The following CTNNA3 variants were observed in gnomAD, a reference collection of about 807,000 sequenced individuals.
The protein encoded by CTNNA3 is catenin alpha-3.
Under a neutral mutation model 95.7 loss-of-function variants are expected in CTNNA3, and 76 were observed. The observed-to-expected ratio is 0.79, with a 90% CI of 0.66 to 0.96. The LOEUF (loss-of-function observed/expected upper bound fraction) is 0.96, where lower values mean the gene tolerates loss of function less well. Among genes scored for constraint, CTNNA3 ranks in the 40% least tolerant of loss-of-function variants. The pLI, the probability that CTNNA3 is intolerant of heterozygous loss-of-function variation, is 0.00. For synonymous variants in CTNNA3, 431 were observed against 374.4 expected, an observed-to-expected ratio of 1.15 and a Z score of -1.74; for missense variants, 1,191 against 1,089.8, an observed-to-expected ratio of 1.09 and a Z score of -1.31.
chr10:66,426,792 A>T (rs60882168), intron 11 of CTNNA3, among the ~76,000 whole-genome samples: 57,968 of 151,618 alleles, frequency 0.38, 11,646 homozygotes, highest in African/African-American at 0.5. Flanking sequence ...CTATAAAATT[A>T]TCAGCCATAT....
chr10:67,024,004 A>G (rs1448015691), intron 7 of CTNNA3, among the ~76,000 whole-genome samples: 2 of 152,198 alleles, frequency 1.3e-5, no homozygotes, highest in Non-Finnish European at 2.9e-5. Flanking sequence ...TTGCTGCTAT[A>G]ACATATTACC....
chr10:65,947,632 T>C (rs2077538609), intron 17 of CTNNA3, among the ~76,000 whole-genome samples: 1 of 152,182 alleles, frequency 6.6e-6, no homozygotes, highest in Non-Finnish European at 1.5e-5. Flanking sequence ...CCCTGGTCCA[T>C]GTGTAAAAAT....
At chr10:67,126,128 T>C (rs1416844800) in intron 7 of CTNNA3, among the ~76,000 whole-genome samples, 6 of 152,266 alleles carry the variant, frequency 3.9e-5, no homozygotes, top group African/African-American at 1.2e-4. Context: ...ATACTAATTT[T>C]ATTATGTATC....
chr10:67,635,957 A>G (rs1027884957), intron 2 of CTNNA3, among the ~76,000 whole-genome samples: 3 of 152,206 alleles, frequency 2.0e-5, no homozygotes, highest in African/African-American at 7.2e-5. Flanking sequence ...CTGATAAGCA[A>G]CTTCAGCAAA....
At chr10:66,091,861 C>T (rs1379721960) in intron 14 of CTNNA3, among the ~76,000 whole-genome samples, 3 of 151,834 alleles carry the variant, frequency 2.0e-5, no homozygotes, top group Non-Finnish European at 4.4e-5. Flanking sequence ...CCAAGTAATA[C>T]ATAAAACTTC....
intron 9 of CTNNA3, among the ~76,000 whole-genome samples, chr10:66,691,005 C>T (rs369120343): frequency 6.6e-6 from 1 of 152,166 alleles, no homozygotes; most frequent in East Asian, 1.9e-4. Flanking sequence ...GGAACAGCTC[C>T]GGTCTACAGC....
At chr10:66,104,301 C>T (rs2081791882) in intron 13 of CTNNA3, among the ~76,000 whole-genome samples, 2 of 152,132 alleles carry the variant, frequency 1.3e-5, no homozygotes, top group South Asian at 2.1e-4. Context: ...AATATATCAT[C>T]GCTGAATTAG....
chr10:66,223,806 T>C (rs1229112873), intron 13 of CTNNA3, among the ~76,000 whole-genome samples: 3 of 152,012 alleles, frequency 2.0e-5, no homozygotes, highest in Non-Finnish European at 4.4e-5. Context: ...TGTTTCTGGA[T>C]GAGATTAGCA....
At chr10:67,280,634 GT>G (rs1273465046) in intron 5 of CTNNA3, among the ~76,000 whole-genome samples, 3 of 152,074 alleles carry the variant, frequency 2.0e-5, no homozygotes, top group South Asian at 4.2e-4. Flanking sequence ...TCAATTCCTG[GT>G]GACTCCACCC....
At chr10:66,457,248 C>A (rs576269921) in intron 11 of CTNNA3, among the ~76,000 whole-genome samples, 1 of 152,196 alleles carries the variant, frequency 6.6e-6, no homozygotes, top group African/African-American at 2.4e-5. Context: ...ACAAAAGACA[C>A]TATTAGGAAA....
chr10:67,473,689 A>T (rs1847910829), intron 5 of CTNNA3, among the ~76,000 whole-genome samples: 1 of 152,188 alleles, frequency 6.6e-6, no homozygotes, highest in Non-Finnish European at 1.5e-5. Context: ...ATTGGAAAAA[A>T]ATTAAAAATA....
At chr10:66,405,634 CT>C (rs1414946404) in intron 11 of CTNNA3, among the ~76,000 whole-genome samples, 9 of 152,162 alleles carry the variant, frequency 5.9e-5, no homozygotes, top group Non-Finnish European at 1.0e-4. Flanking sequence ...AACTTTTCCT[CT>C]GGTGGTTTGC....
chr10:67,160,472 C>T (rs1163862770), intron 7 of CTNNA3, among the ~76,000 whole-genome samples: 1 of 125,738 alleles, frequency 8.0e-6, no homozygotes, highest in African/African-American at 3.1e-5. Context: ...GGGTCTTGCT[C>T]TGTCCCCCGG....
intron 7 of CTNNA3, chr10:66,926,824 A>T (rs1649437281): frequency 1.8e-6 from 2 of 1,130,050 alleles, no homozygotes; most frequent in Non-Finnish European, 2.4e-6. Context: ...ATTTAGATTT[A>T]AATTTTTAAA....
At chr10:65,995,911 G>A (rs781300811) in intron 15 of CTNNA3, among the ~76,000 whole-genome samples, 2 of 152,158 alleles carry the variant, frequency 1.3e-5, no homozygotes, top group African/African-American at 2.4e-5. Flanking sequence ...GGCCAGACAA[G>A]CCTGTCATTA....
chr10:67,223,026 T>C (rs1482974167), intron 5 of CTNNA3, among the ~76,000 whole-genome samples: 1 of 152,238 alleles, frequency 6.6e-6, no homozygotes, highest in Non-Finnish European at 1.5e-5. Context: ...TTGTCATCTC[T>C]GCCCAAGGCA....
chr10:66,995,127 A>T (rs1398034523), intron 7 of CTNNA3, among the ~76,000 whole-genome samples: 2 of 152,172 alleles, frequency 1.3e-5, no homozygotes, highest in Non-Finnish European at 1.5e-5. Context: ...TCATTGCTTG[A>T]ATGTCACAGA....
rs1039888457 is a variant in CTNNA3 at position 65,919,668 on chromosome 10, T to C, written c.*662A>G. ...TCAGAACTCATTGTAACCTTTATAA[T>C]GTTAAGAAAGCATTTTATTAATAAA... is the stretch of plus-strand genomic sequence containing the variant. On this transcript the variant is annotated 3_prime_UTR_variant, in exon 18 of 18. Transcript: ENST00000433211. 2.0e-5 allele frequency: 3 copies of C among 152,286 alleles called. No homozygotes were observed. Among genetic ancestry groups the C allele is most frequent in the African/African-American group, 7.2e-5 (3 of 41,462 alleles). 9.4% of individuals were successfully genotyped at this position (152,286 alleles called of 1,614,324 possible).
chr10:67,173,634 A>G (rs1290480690), intron 7 of CTNNA3, among the ~76,000 whole-genome samples: 1 of 152,196 alleles, frequency 6.6e-6, no homozygotes, highest in Non-Finnish European at 1.5e-5. Flanking sequence ...TAGGAACTCT[A>G]CTAGGCTCAG....
Sources: allele counts gnomAD v4.1 joint callset (sites outside exome capture counted in the v4.1 genomes callset), GRCh38; gene constraint gnomAD v4.1.1; transcripts MANE v1.5; gene names NCBI Gene and HGNC (gene_info 2026-07-23, HGNC 2026-07-21).